CNTNAP2: variants seen among roughly 807,000 people sequenced by gnomAD.
CNTNAP2 encodes contactin associated protein 2, also known as contactin-associated protein-like 2.
Under a neutral mutation model 155.2 loss-of-function variants are expected in CNTNAP2, and 98 were observed. The ratio of observed to expected loss-of-function variants is 0.63; its 90% CI spans 0.54 to 0.75. The LOEUF is 0.75. Ranked by LOEUF, CNTNAP2 falls within the 30% of genes least tolerant of loss-of-function variation. The pLI is 0.00. For synonymous variants in CNTNAP2, 651 were observed against 631.2 expected, an observed-to-expected ratio of 1.03 and a Z score of -0.47; for missense variants, 1,727 against 1,688.1, an observed-to-expected ratio of 1.02 and a Z score of -0.40.
intron 8 of CNTNAP2, among the ~76,000 whole-genome samples, chr7:147,276,454 C>A (rs1277593854): frequency 6.6e-6 from 1 of 151,998 alleles, no homozygotes; most frequent in African/African-American, 2.4e-5. Context: ...AATAGTTTCT[C>A]TTTATTCCTG....
chr7:147,335,700 C>T (rs1795653054), intron 9 of CNTNAP2, among the ~76,000 whole-genome samples: 1 of 152,054 alleles, frequency 6.6e-6, no homozygotes, highest in South Asian at 2.1e-4. Context: ...CATTTTTCTT[C>T]GTGATACTTA....
chr7:147,065,402 C>A (rs1291493172), intron 4 of CNTNAP2, among the ~76,000 whole-genome samples: 1 of 151,988 alleles, frequency 6.6e-6, no homozygotes, highest in African/African-American at 2.4e-5. Flanking sequence ...TAAGTATGAG[C>A]CTATTTGTTC....
chr7:147,289,220 G>A (rs1805247959), intron 8 of CNTNAP2, among the ~76,000 whole-genome samples: 1 of 152,012 alleles, frequency 6.6e-6, no homozygotes, highest in Non-Finnish European at 1.5e-5. Flanking sequence ...TTGAAACCCT[G>A]GTATAAATGA....
intron 1 of CNTNAP2, among the ~76,000 whole-genome samples, chr7:146,630,507 T>C (rs1799493555): frequency 6.6e-6 from 1 of 152,152 alleles, no homozygotes; most frequent in East Asian, 1.9e-4. Flanking sequence ...CCAGTTATGA[T>C]GCTGGAACAA....
intron 13 of CNTNAP2, among the ~76,000 whole-genome samples, chr7:147,709,596 C>A (rs1796373021): frequency 6.6e-6 from 1 of 152,146 alleles, no homozygotes; most frequent in Non-Finnish European, 1.5e-5. Context: ...ATCTAACTTT[C>A]TAGTAGTCCT....
intron 12 of CNTNAP2, 54 bp downstream of exon 12, chr7:147,562,311 A>T (rs1800079620): frequency 3.7e-6 from 6 of 1,607,694 alleles, no homozygotes; most frequent in Non-Finnish European, 5.1e-6. Flanking sequence ...TGTCACGAAT[A>T]AGTAGTTCCA....
chr7:146,890,939 G>A (rs966247303), intron 3 of CNTNAP2, among the ~76,000 whole-genome samples: 1 of 152,102 alleles, frequency 6.6e-6, no homozygotes, highest in Non-Finnish European at 1.5e-5. Flanking sequence ...ACATGAACTG[G>A]TGTGCTTATC....
At chr7:146,745,681 C>G (rs564953999) in intron 1 of CNTNAP2, among the ~76,000 whole-genome samples, 3 of 150,766 alleles carry the variant, frequency 2.0e-5, no homozygotes, top group East Asian at 3.9e-4. Flanking sequence ...ACAGGAGAAT[C>G]GCTTGACCCT....
chr7:147,588,113 T>C (rs1411698846), intron 12 of CNTNAP2, among the ~76,000 whole-genome samples: 1 of 152,098 alleles, frequency 6.6e-6, no homozygotes, highest in Non-Finnish European at 1.5e-5. Context: ...GATAGATAGA[T>C]AGATAAAGCT....
At chr7:146,793,139 G>C (rs1201775754) in intron 2 of CNTNAP2, among the ~76,000 whole-genome samples, 1 of 152,020 alleles carries the variant, frequency 6.6e-6, no homozygotes, top group Non-Finnish European at 1.5e-5. Flanking sequence ...TGGTGTGTAT[G>C]TTACACTTAT....
intron 11 of CNTNAP2, among the ~76,000 whole-genome samples, chr7:147,502,935 GA>G (rs1220261180): frequency 6.6e-6 from 1 of 152,106 alleles, no homozygotes; most frequent in African/African-American, 2.4e-5. Flanking sequence ...GAAGAGTGTA[GA>G]AAAGCAATAG....
intron 3 of CNTNAP2, among the ~76,000 whole-genome samples, chr7:146,953,917 T>C (rs775848409): frequency 4.6e-5 from 7 of 152,014 alleles, no homozygotes; most frequent in Non-Finnish European, 7.4e-5. Flanking sequence ...GTGTTATAAA[T>C]ATTGAAATGT....
chr7:146,363,938 G>T (rs903414745), intron 1 of CNTNAP2, among the ~76,000 whole-genome samples: 2 of 152,086 alleles, frequency 1.3e-5, no homozygotes, highest in Non-Finnish European at 2.9e-5. Context: ...AAGCAAGAGA[G>T]AATTCAAAGA....
At chr7:146,821,145 G>C (rs1193310835) in intron 2 of CNTNAP2, among the ~76,000 whole-genome samples, 1 of 152,048 alleles carries the variant, frequency 6.6e-6, no homozygotes, top group Admixed American at 6.6e-5. Context: ...CTTTTAATTG[G>C]AGCATTTACC....
intron 3 of CNTNAP2, among the ~76,000 whole-genome samples, chr7:146,847,736 T>C (rs536423086): frequency 5.9e-5 from 9 of 152,312 alleles, no homozygotes; most frequent in African/African-American, 2.2e-4. Context: ...AATGACTCAT[T>C]TGGAAGTATA....
chr7:148,391,341 G>A (rs530265013), intron 22 of CNTNAP2, among the ~76,000 whole-genome samples: 1 of 144,384 alleles, frequency 6.9e-6, no homozygotes, highest in East Asian at 1.9e-4. Flanking sequence ...CTGGGCAGTA[G>A]AGAAAGATCA....
rs1009834968 is a variant in CNTNAP2 at position 147,603,560 on chromosome 7, T to G, written c.1898-35546T>G. On this transcript the variant is annotated intron_variant, in intron 12 of 23. Coordinates refer to ENST00000361727, the MANE Select transcript of CNTNAP2 (RefSeq NM_014141.6). ...AGGAGAACTACAAACCACTGCTCAA[T>G]GAAATAAAAGAAGATACAAACAAAT... is the stretch of plus-strand genomic sequence containing the variant. Among the ~76,000 whole-genome samples the G allele has an allele frequency of 7.9e-4, 120 of 152,124 alleles. 1 individual carries two copies. Among genetic ancestry groups the G allele is most frequent in the African/African-American group, 2.0e-3 (81 of 41,508 alleles).
At chr7:148,276,013 G>A (rs1474457645) in intron 21 of CNTNAP2, among the ~76,000 whole-genome samples, 1 of 152,138 alleles carries the variant, frequency 6.6e-6, no homozygotes, top group Non-Finnish European at 1.5e-5. Context: ...CGGATGTGAA[G>A]ATGCAAGTGA....
chr7:147,968,384 C>A (rs34347668), intron 14 of CNTNAP2, among the ~76,000 whole-genome samples: 19,574 of 152,102 alleles, frequency 0.13, 1,960 homozygotes, highest in African/African-American at 0.29. Flanking sequence ...CTAAAGATCT[C>A]ATTGTCATGG....
Sources: allele counts gnomAD v4.1 joint callset (sites outside exome capture counted in the v4.1 genomes callset), GRCh38; gene constraint gnomAD v4.1.1; transcripts MANE v1.5; gene names NCBI Gene and HGNC (gene_info 2026-07-23, HGNC 2026-07-21).